The following AKAP8L variants were observed in gnomAD, a reference collection of about 807,000 sequenced individuals.
AKAP8L encodes the protein A-kinase anchor protein 8-like.
Under a neutral mutation model 77.5 loss-of-function variants are expected in AKAP8L, and 34 were observed. The observed-to-expected ratio is 0.44, with a 90% confidence interval of 0.33 to 0.58. The LOEUF (loss-of-function observed/expected upper bound fraction) is 0.58, where lower values mean the gene tolerates loss of function less well. Ranked by LOEUF, AKAP8L falls within the 20% of genes least tolerant of loss-of-function variation. The pLI is 0.02. For missense variants in AKAP8L, 806 were observed against 887.6 expected (o/e 0.91, Z 1.17); for synonymous variants, 342 against 340.7 (o/e 1.00, Z -0.04).
At chr19:15,404,267 G>C in intron 2 of AKAP8L, 1 of 559,746 alleles carries the variant, frequency 1.8e-6, no homozygotes, top group South Asian at 2.2e-5. Context: ...GGATCCTTCT[G>C]TTCCCAACAC....
At chr19:15,384,980 C>CT (rs940796391) in intron 12 of AKAP8L, among the ~76,000 whole-genome samples, 3,786 of 137,920 alleles carry the variant, frequency 0.027, 125 homozygotes, top group African/African-American at 0.079. Context: ...ATGCCATTCT[C>CT]TTTTTTTTTT....
In AKAP8L at chr19:15,382,910, A is replaced by C. The variant is rs748714323; in HGVS notation, c.1537-2298T>G. On this transcript the variant is annotated intron_variant, in intron 12 of 13. Coordinates refer to ENST00000397410, the MANE Select transcript of AKAP8L (RefSeq NM_014371.4). ...GGATTTTCAGATGACGGATGAACTC[A>C]ATCTGTATATGTTATGAGGTAGAGG... is the stretch of plus-strand genomic sequence containing the variant. Among the ~76,000 whole-genome samples, 6 of 152,336 alleles carry C rather than the reference A, an allele frequency of 3.9e-5. No homozygotes were observed. In the South Asian group the frequency reaches 8.3e-4, roughly 21 times the overall value.
At chr19:15,392,622 C>T (rs1192579207) in intron 12 of AKAP8L, among the ~76,000 whole-genome samples, 1 of 151,794 alleles carries the variant, frequency 6.6e-6, no homozygotes, top group Non-Finnish European at 1.5e-5. Context: ...ACAGGCCGGG[C>T]CTGGTGGCTC....
Position 15,400,797 on chromosome 19 carries a change from T to G in AKAP8L, c.981A>C (p.Arg327Ser). ...ATGCCCAGCCAGAGCCACTTACCAC[T>G]CTGGAGCCCTTCTCCACAGCCTCGG... ...EGTEAVEKGS[R>S]VDGEDEEGKE... Residue 327 changes from arginine to serine, a missense_variant, in exon 7 of 14, where the codon AGA (arginine) becomes AGC (serine). By Grantham distance (110) the Arg-to-Ser change is moderately radical. Coordinates refer to ENST00000397410, the MANE Select transcript of AKAP8L (RefSeq NM_014371.4). The G allele has an allele frequency of 6.2e-7, 1 of 1,613,846 alleles. No individual in the cohort carries two copies. Among genetic ancestry groups the G allele is most frequent in the South Asian group, 1.1e-5 (1 of 91,072 alleles).
At position 15,410,675 on chromosome 19, in the gene AKAP8L, G is replaced by A. The variant is rs978071236; in HGVS notation, c.14-81C>T. On this transcript the variant is annotated intron_variant, in intron 1 of 13. Transcript: ENST00000397410. ...TGAGACTACCTAACCTTTGGTATAG[G>A]ATTGCCAGCAGGCCCTTCTCTCAAC... 3.3e-5 allele frequency: 38 copies of A among 1,155,120 alleles called. 1 individual carries two copies. Among genetic ancestry groups the A allele is most frequent in the Non-Finnish European group, 4.6e-5 (36 of 790,710 alleles). 71.6% of individuals were successfully genotyped at this position (1,155,120 alleles called of 1,614,324 possible).
chr19:15,380,849 T>G (rs1041374041), intron 12 of AKAP8L: 1 of 555,686 alleles, frequency 1.8e-6, no homozygotes, highest in African/African-American at 1.9e-5. Flanking sequence ...TCTATATATC[T>G]CTAACTTTAC....
chr19:15,415,837 G>A (rs1968196321), intron 1 of AKAP8L, among the ~76,000 whole-genome samples: 1 of 150,806 alleles, frequency 6.6e-6, no homozygotes, highest in Admixed American at 6.6e-5. Context: ...AGTGGGCCGA[G>A]ATGGCGCCAC....
rs10775618 is a variant in AKAP8L at position 15,401,920 on chromosome 19, A to G, written c.363-317T>C. On this transcript the variant is annotated intron_variant, in intron 4 of 13. Coordinates refer to ENST00000397410, the MANE Select transcript of AKAP8L (RefSeq NM_014371.4). The surrounding 1 kb of genome is among the most constrained non-coding windows in gnomAD (Gnocchi z 6.2). The stretch of plus-strand genomic sequence containing the variant: ...GCTCCACAGCCCTTTGGGAACATGT[A>G]CACCATCTGTGGGAGCTGCAACGCC... 0.81 allele frequency among the ~76,000 whole-genome samples: 123,440 copies of G among 152,014 alleles called. 50,553 individuals carry two copies. The highest frequency in any genetic ancestry group is 0.99 in the East Asian group (5,127 of 5,168).
intron 12 of AKAP8L, among the ~76,000 whole-genome samples, chr19:15,390,354 GGTTGCAGTGAGCCGAGATCACACC>G (rs1967634758): frequency 6.7e-6 from 1 of 149,430 alleles, no homozygotes; most frequent in Non-Finnish European, 1.5e-5. Flanking sequence ...GAGAGGTGGA[GGTTGCAGTGAGCCGAGATCACACC>G]GTTGCACTCC....
intron 1 of AKAP8L, 103 bp from the exon 2 acceptor site, chr19:15,410,697 C>A: frequency 1.2e-6 from 1 of 860,906 alleles, no homozygotes; most frequent in Non-Finnish European, 1.8e-6. Flanking sequence ...GCCCTTCTCT[C>A]AACGAAAAGC....
chr19:15,384,315 T>TC (rs935021541), intron 12 of AKAP8L, among the ~76,000 whole-genome samples: 9 of 151,244 alleles, frequency 6.0e-5, no homozygotes, highest in Admixed American at 5.3e-4. Flanking sequence ...TTTTTTTTTT[T>TC]TGAGACGGAG....
rs771729367 is a variant in AKAP8L, at chr19:15,401,179, A to C, written c.787T>G (p.Trp263Gly). ...GNGMKQMRRT[W>G]KTWTTADFRT... ...AAGTCGGCTGTGGTCCAGGTCTTCC[A>C]GGTCCGCCTCATCTGCTTCATGCCA... Residue 263 changes from tryptophan (W) to glycine (G), a missense_variant, in exon 5 of 14, where the codon TGG becomes GGG. Around this residue, in one of 2 missense-constraint regions of AKAP8L, gnomAD observed 580 missense variants for 694.1 expected, o/e 0.84. Coordinates refer to ENST00000397410, the MANE Select transcript of AKAP8L (RefSeq NM_014371.4). The surrounding 1 kb of genome is among the most constrained non-coding windows in gnomAD (Gnocchi z 6.2). 1.2e-6 allele frequency: 2 copies of C among 1,608,224 alleles called. No individual in the cohort carries two copies. Among genetic ancestry groups the C allele is most frequent in the Non-Finnish European group, 1.7e-6 (2 of 1,177,390 alleles).
intron 1 of AKAP8L, among the ~76,000 whole-genome samples, chr19:15,412,164 T>C (rs1023655898): frequency 2.0e-5 from 3 of 152,034 alleles, no homozygotes; most frequent in Admixed American, 6.5e-5. Flanking sequence ...GCCAAAATCA[T>C]GCCACTGCAT....
At chr19:15,387,829 C>G (rs1309625401) in intron 12 of AKAP8L, among the ~76,000 whole-genome samples, 1 of 152,098 alleles carries the variant, frequency 6.6e-6, no homozygotes, top group Non-Finnish European at 1.5e-5. Context: ...CGTGGTAGCA[C>G]ATGCCTGTAA....
rs1967886449 is a variant in AKAP8L at position 15,401,079 on chromosome 19, A to G, written c.817-36T>C. The G allele has an allele frequency of 2.5e-6, 4 of 1,608,372 alleles. No homozygotes were observed. Among genetic ancestry groups the G allele is most frequent in the African/African-American group, 1.3e-5 (1 of 75,022 alleles). On this transcript the variant is annotated intron_variant, in intron 5 of 13. Transcript: ENST00000397410. This position sits in a 1 kb window ranked among gnomAD's most constrained non-coding sequence, Gnocchi z 6.2. ...AGGGGGGGAAGCCGTGTCAGGGTGC[A>G]TGGCACCCGGCCCTTAGCTCCGCCC...
chr19:15,412,377 A>G (rs1013516011), intron 1 of AKAP8L, among the ~76,000 whole-genome samples: 13 of 152,140 alleles, frequency 8.5e-5, no homozygotes, highest in Admixed American at 3.9e-4. Flanking sequence ...GCAAGACTCC[A>G]TCTCAAAATA....
chr19:15,418,627 G>A (rs964405821), intron 1 of AKAP8L, among the ~76,000 whole-genome samples: 11 of 152,234 alleles, frequency 7.2e-5, no homozygotes, highest in Non-Finnish European at 1.3e-4. Flanking sequence ...CGGAGGTGGT[G>A]GGGGCGGAGA....
At position 15,399,106 on chromosome 19, in the gene AKAP8L, G is replaced by A; in HGVS notation, c.1157+196C>T. 1.7e-6 allele frequency: 1 copy of A among 600,532 alleles called. No homozygotes were observed. The highest frequency in any genetic ancestry group is 2.9e-6 in the Non-Finnish European group (1 of 341,732). The allele number at this position is 600,532 out of a possible 1,614,324, so 37.2% of individuals were successfully genotyped here. A position where few individuals can be genotyped will look rare whatever the true frequency, so the allele number is the denominator to read the frequency against. On this transcript the variant is annotated intron_variant, in intron 9 of 13. Transcript: ENST00000397410. The surrounding 1 kb of genome is among the most constrained non-coding windows in gnomAD (Gnocchi z 6.1). Reference sequence around the variant, plus strand: ...GCCCACAGACGCCAGCGGTCGCCAGGCGGCCGCAGAGGGGCAGGGGATGAG... The same window carrying A: ...GCCCACAGACGCCAGCGGTCGCCAGACGGCCGCAGAGGGGCAGGGGATGAG...
intron 7 of AKAP8L, 133 bp from the exon 8 acceptor site, chr19:15,400,491 G>A: frequency 1.0e-6 from 1 of 953,432 alleles, no homozygotes; most frequent in Non-Finnish European, 1.6e-6. Flanking sequence ...TATCCTATAG[G>A]CAGGGTGGCC....
Sources: gnomAD v4.1 joint callset for allele counts (sites outside exome capture counted in the v4.1 genomes callset) on GRCh38, gnomAD v4.1.1 for gene constraint, gnomAD v4.1.1 regional missense constraint, Gnocchi (gnomAD v3.1) non-coding constraint, MANE v1.5 for transcripts, NCBI Gene and HGNC (gene_info 2026-07-23, HGNC 2026-07-21) for gene names.